Variants in RABGGTB observed in about 807,000 individuals in gnomAD.
The protein encoded by RABGGTB is Rab geranylgeranyltransferase subunit beta.
Under a neutral mutation model 44.5 loss-of-function variants are expected in RABGGTB, and 20 were observed. The ratio of observed to expected loss-of-function variants is 0.45; its 90% CI spans 0.32 to 0.65. The LOEUF is 0.65. Ranked by LOEUF, RABGGTB falls within the 30% of genes least tolerant of loss-of-function variation. The pLI is 0.05. For synonymous variants in RABGGTB, 128 were observed against 136.7 expected (o/e 0.94, Z 0.44); for missense variants, 302 against 398.7 (o/e 0.76, Z 2.06).
In RABGGTB at chr1:75,787,502, T is replaced by G. The variant is rs542064322; in HGVS notation, c.9T>G (p.Thr3=). The change falls in exon 2 of 9, where the codon ACT becomes ACG. Residue 3 remains threonine (T), a synonymous_variant. Coordinates refer to ENST00000319942, the MANE Select transcript of RABGGTB (RefSeq NM_004582.4). ...TTACCACTTTATTTTGAAAGGGCACTCCACAGAAGGATGTTATTATCAAGT... is the reference window on the plus strand; with the variant it reads ...TTACCACTTTATTTTGAAAGGGCACGCCACAGAAGGATGTTATTATCAAGT... MG[T]PQKDVIIKSD... is the part of the protein sequence containing the mutation. 1 of 1,613,088 alleles carries G rather than the reference T, an allele frequency of 6.2e-7. No homozygotes were observed. Among genetic ancestry groups the G allele is most frequent in the Admixed American group, 1.7e-5 (1 of 60,002 alleles).
chr1:75,787,856 T>G, intron 2 of RABGGTB: 34 of 683,668 alleles, frequency 5.0e-5, no homozygotes, highest in East Asian at 1.2e-4. Flanking sequence ...CAAAACGGGT[T>G]TCTCTTTTTG....
chr1:75,787,341 C>A, intron 1 of RABGGTB, 156 bp from the exon 2 acceptor site: 1 of 641,794 alleles, frequency 1.6e-6, no homozygotes, highest in Non-Finnish European at 2.7e-6. Context: ...GATCTTCTAC[C>A]TCAGCCTCCC....
At chr1:75,790,580 T>C (rs1649622302) in intron 4 of RABGGTB, 1 of 731,500 alleles carries the variant, frequency 1.4e-6, no homozygotes. Flanking sequence ...TTCTTCTCTT[T>C]GGTTTTCTTC....
chr1:75,788,071 C>A, intron 2 of RABGGTB: 1 of 374,506 alleles, frequency 2.7e-6, no homozygotes, highest in Non-Finnish European at 5.2e-6. Flanking sequence ...ATGTTTTTCC[C>A]TGTAGTATCC....
chr1:75,793,967 G>A, intron 7 of RABGGTB, 117 bp from the exon 8 acceptor site: 1 of 1,148,398 alleles, frequency 8.7e-7, no homozygotes, highest in Non-Finnish European at 1.2e-6. Context: ...CCTTCCACAT[G>A]GTTTGACACT....
Position 75,792,052 on chromosome 1 carries a change from T to C in RABGGTB, c.580-129T>C. The C allele has an allele frequency of 3.8e-6, 3 of 780,440 alleles. 1 individual carries two copies. Among genetic ancestry groups the C allele is most frequent in the East Asian group, 2.8e-5 (1 of 36,150 alleles). The allele number at this position is 780,440 out of a possible 1,614,324, so 48.3% of individuals were successfully genotyped here. On this transcript the variant is annotated intron_variant, in intron 6 of 8. Transcript: ENST00000319942. ...TTCAGATATGTGGTATTAATACATGTTTGGAATTTTAAGTGTCAGATCAAG... is the reference window on the plus strand; with the variant it reads ...TTCAGATATGTGGTATTAATACATGCTTGGAATTTTAAGTGTCAGATCAAG...
At chr1:75,787,327 A>C (rs1557479105) in intron 1 of RABGGTB, 170 bp from the exon 2 acceptor site, 1 of 628,312 alleles carries the variant, frequency 1.6e-6, no homozygotes. Flanking sequence ...TCCCTGGCTC[A>C]AGCGATCTTC....
In RABGGTB at chr1:75,794,288, C is replaced by T. The variant is rs540037053; in HGVS notation, c.855+55C>T. 7.2e-6 allele frequency: 11 copies of T among 1,530,114 alleles called. No individual in the cohort carries two copies. The South Asian group carries it at 1.4e-4, about 20-fold the overall frequency. 94.8% of individuals were successfully genotyped at this position (1,530,114 alleles called of 1,614,324 possible). ...AATTATTTCAGCGTTTGCATTACTTCATGGTTCCATGGATTTCCAGGGTGG... is the reference window on the plus strand; with the variant it reads ...AATTATTTCAGCGTTTGCATTACTTTATGGTTCCATGGATTTCCAGGGTGG... On this transcript the variant is annotated intron_variant, in intron 8 of 8. Coordinates refer to ENST00000319942, the MANE Select transcript of RABGGTB (RefSeq NM_004582.4).
intron 7 of RABGGTB, 59 bp downstream of exon 7, chr1:75,792,365 T>C (rs1234849725): frequency 6.3e-7 from 1 of 1,584,922 alleles, no homozygotes; most frequent in Admixed American, 1.7e-5. Flanking sequence ...TGCTGCTGCT[T>C]TGTCTTGCCT....
chr1:75,793,983 C>T (rs1414114753), intron 7 of RABGGTB, 101 bp from the exon 8 acceptor site: 8 of 1,074,440 alleles, frequency 7.4e-6, no homozygotes, highest in East Asian at 4.7e-5. Context: ...ACACTTTGAA[C>T]ATCAGATTAC....
chr1:75,792,663 T>C (rs1157688964), intron 7 of RABGGTB, among the ~76,000 whole-genome samples: 1 of 152,194 alleles, frequency 6.6e-6, no homozygotes, highest in Non-Finnish European at 1.5e-5. Flanking sequence ...GAGAAGATTA[T>C]TAAATTTTCC....
chr1:75,791,723 A>T, intron 6 of RABGGTB, 152 bp downstream of exon 6: 1 of 672,498 alleles, frequency 1.5e-6, no homozygotes, highest in South Asian at 2.0e-5. Flanking sequence ...AATTGCTATC[A>T]TTACTTTGCT....
chr1:75,789,070 C>A, intron 2 of RABGGTB, 89 bp from the exon 3 acceptor site: 1 of 1,204,914 alleles, frequency 8.3e-7, no homozygotes, highest in Non-Finnish European at 1.2e-6. Flanking sequence ...AAAATAGCAG[C>A]ATGGCTAATG....
chr1:75,794,593 T>G lies in RABGGTB; in HGVS notation c.939T>G (p.Phe313Leu). Residue 313 changes from phenylalanine (F) to leucine (L), a missense_variant, in exon 9 of 9, where the codon TTT (phenylalanine) becomes TTG (leucine). Around this residue, in one of 2 missense-constraint regions of RABGGTB, gnomAD observed 213 missense variants for 323.7 expected, o/e 0.66. Coordinates refer to ENST00000319942, the MANE Select transcript of RABGGTB (RefSeq NM_004582.4). Reference sequence around the variant, plus strand: ...AGATTAAACCTGTTAATCCTGTCTTTTGCATGCCTGAAGAAGTGCTTCAGA... The same window carrying G: ...AGATTAAACCTGTTAATCCTGTCTTGTGCATGCCTGAAGAAGTGCTTCAGA... ...EEQIKPVNPV[F>L]CMPEEVLQRV... 4.3e-6 allele frequency: 7 copies of G among 1,613,178 alleles called. No individual in the cohort carries two copies. Among genetic ancestry groups the G allele is most frequent in the Non-Finnish European group, 5.9e-6 (7 of 1,179,442 alleles).
At chr1:75,789,879 A>T in intron 3 of RABGGTB, 73 bp from the exon 4 acceptor site, 4 of 1,144,042 alleles carry the variant, frequency 3.5e-6, no homozygotes, top group Non-Finnish European at 1.3e-6. Context: ...TTGACAACTT[A>T]AAAAGAGTTG....
rs1040650002 is a variant in RABGGTB, at chr1:75,794,911, A to C, written c.*261A>C. 1 of 198,328 alleles carries C rather than the reference A, an allele frequency of 5.0e-6. No homozygotes were observed. Among genetic ancestry groups the C allele is most frequent in the East Asian group, 1.3e-4 (1 of 7,574 alleles). 12.3% of individuals were successfully genotyped at this position (198,328 alleles called of 1,614,324 possible). A position where few individuals can be genotyped will look rare whatever the true frequency, so the allele number is the denominator to read the frequency against. ...TGTTATGTTCAATAACTGAGCTAAC[A>C]TAAAATAACTCTAGGTTTCTACTTG... On this transcript the variant is annotated 3_prime_UTR_variant, in exon 9 of 9. Coordinates refer to ENST00000319942, the MANE Select transcript of RABGGTB (RefSeq NM_004582.4).
At chr1:75,791,229 A>G (rs1434232932) in intron 4 of RABGGTB, 56 bp from the exon 5 acceptor site, 11 of 1,427,774 alleles carry the variant, frequency 7.7e-6, no homozygotes, top group Non-Finnish European at 1.1e-5. Context: ...TTGTTTTTAG[A>G]TGACTCATGT....
rs571000782 is a variant in RABGGTB at position 75,791,389 on chromosome 1, A to T, written c.468+52A>T. 2.1e-4 allele frequency: 288 copies of T among 1,383,534 alleles called. 1 individual carries two copies. In the African/African-American group the frequency reaches 3.9e-3, roughly 19 times the overall value. The allele number at this position is 1,383,534 out of a possible 1,614,324, so 85.7% of individuals were successfully genotyped here. A position where few individuals can be genotyped will look rare whatever the true frequency, so the allele number is the denominator to read the frequency against. On this transcript the variant is annotated intron_variant, in intron 5 of 8. Transcript: ENST00000319942. ...GATTAAAGTTCATGAATACTCTGGA[A>T]TTTTTTTTTTTTTTGAGTCTGATCT...
Position 75,794,559 on chromosome 1 carries a change from G to C in RABGGTB, c.905G>C (p.Gly302Ala), listed in dbSNP as rs1802903. The change falls in exon 9 of 9, where the codon GGA becomes GCA. Residue 302 changes from glycine to alanine, a missense_variant. Physicochemically the swap from Gly to Ala is moderately conservative, Grantham distance 60 (BLOSUM62 0). Transcript: ENST00000319942. The stretch of plus-strand genomic sequence containing the variant: ...GGAATTGCTGGATTGTCACTTTTGG[G>C]AGAAGAACAGATTAAACCTGTTAAT... ...LFGIAGLSLLGEEQIKPVNPV... is the reference protein window; with the variant it reads ...LFGIAGLSLLAEEQIKPVNPV... 2.5e-6 allele frequency: 4 copies of C among 1,613,020 alleles called. No homozygotes were observed. In the South Asian group the frequency reaches 3.3e-5, roughly 13 times the overall value.
Sources: gnomAD v4.1 joint callset for allele counts (sites outside exome capture counted in the v4.1 genomes callset) on GRCh38, gnomAD v4.1.1 for gene constraint, gnomAD v4.1.1 regional missense constraint, MANE v1.5 for transcripts, NCBI Gene and HGNC (gene_info 2026-07-23, HGNC 2026-07-21) for gene names.